SH3RF3: variants seen among roughly 807,000 people sequenced by gnomAD.
SH3RF3 encodes the protein SH3 domain containing ring finger 3.
In SH3RF3, 29 loss-of-function variants were observed where a neutral mutation model predicts 66.3. That is an observed-to-expected ratio of 0.44 (90% CI 0.33 to 0.60). The LOEUF is 0.60. Among genes scored for constraint, SH3RF3 ranks in the 20% least tolerant of loss-of-function variants. SH3RF3 has a pLI of 0.04. For missense variants in SH3RF3, 1,194 were observed against 1,190.9 expected (o/e 1.00, Z -0.04); for synonymous variants, 583 against 532.0 (o/e 1.10, Z -1.32).
intron 1 of SH3RF3, among the ~76,000 whole-genome samples, chr2:109,293,453 C>T (rs1021085193): frequency 2.0e-5 from 3 of 152,158 alleles, no homozygotes; most frequent in Admixed American, 1.3e-4. Context: ...CAGTGGTGAC[C>T]GGGCTGCCTG....
intron 1 of SH3RF3, among the ~76,000 whole-genome samples, chr2:109,186,105 A>G (rs1387571316): frequency 6.6e-6 from 1 of 152,230 alleles, no homozygotes; most frequent in African/African-American, 2.4e-5. Context: ...TAACTTCAGG[A>G]GAGGGCAGGC....
rs1366337968 is a variant in SH3RF3, at chr2:109,252,345, A to G, written c.574-95329A>G. Reference sequence around the variant, plus strand: ...ACATTGTTCAACAGAAGCCGGGTTTATTTTTAGAGGAATAGTTGGATGCAA... The same window carrying G: ...ACATTGTTCAACAGAAGCCGGGTTTGTTTTTAGAGGAATAGTTGGATGCAA... On this transcript the variant is annotated intron_variant, in intron 1 of 9. Transcript: ENST00000309415. 3.9e-5 allele frequency among the ~76,000 whole-genome samples: 6 copies of G among 152,202 alleles called. No homozygotes were observed. In the South Asian group the frequency reaches 1.2e-3, roughly 32 times the overall value.
intron 8 of SH3RF3, among the ~76,000 whole-genome samples, chr2:109,484,268 T>C (rs1051549419): frequency 6.6e-6 from 1 of 152,104 alleles, no homozygotes; most frequent in African/African-American, 2.4e-5. Context: ...GGTTTCACCA[T>C]GTTGGCCAGG....
intron 4 of SH3RF3, among the ~76,000 whole-genome samples, chr2:109,402,945 G>T (rs1676353657): frequency 6.6e-6 from 1 of 152,180 alleles, no homozygotes; most frequent in African/African-American, 2.4e-5. Flanking sequence ...GAGATGGGCT[G>T]CTTGCTGGGC....
At chr2:109,248,797 GTC>G (rs888495504) in intron 1 of SH3RF3, among the ~76,000 whole-genome samples, 1 of 142,128 alleles carries the variant, frequency 7.0e-6, no homozygotes, top group Admixed American at 7.2e-5. Context: ...TTCTCTTTCT[GTC>G]TCTCTTTCTC....
intron 2 of SH3RF3, among the ~76,000 whole-genome samples, chr2:109,365,005 C>A (rs770941599): frequency 6.6e-6 from 1 of 152,070 alleles, no homozygotes; most frequent in East Asian, 1.9e-4. Context: ...GCAGAAGGAT[C>A]GTGAGACTCT....
At chr2:109,501,349 T>G (rs1414880096) in intron 9 of SH3RF3, among the ~76,000 whole-genome samples, 154 bp from the exon 10 acceptor site, 1 of 152,038 alleles carries the variant, frequency 6.6e-6, no homozygotes, top group African/African-American at 2.4e-5. Context: ...TTTCCAGAGT[T>G]TTGAAAAAAT....
chr2:109,403,008 G>C (rs963341194), intron 4 of SH3RF3, among the ~76,000 whole-genome samples: 1 of 152,214 alleles, frequency 6.6e-6, no homozygotes, highest in Non-Finnish European at 1.5e-5. Context: ...GGGTGGGTGG[G>C]GGGATGTGGA....
rs540829177 is a variant in SH3RF3 at position 109,461,729 on chromosome 2, G to A, written c.2148+12240G>A. 5.3e-5 allele frequency among the ~76,000 whole-genome samples: 8 copies of A among 152,312 alleles called. No individual in the cohort carries two copies. The South Asian group carries it at 1.2e-3, about 24-fold the overall frequency. On this transcript the variant is annotated intron_variant, in intron 8 of 9. Transcript: ENST00000309415. Reference sequence around the variant, plus strand: ...CGTAGCATCCCTGTCTGCCACAATAGTGCCTCAGGCACCACTGGATCTCCT... The same window carrying A: ...CGTAGCATCCCTGTCTGCCACAATAATGCCTCAGGCACCACTGGATCTCCT...
intron 1 of SH3RF3, among the ~76,000 whole-genome samples, chr2:109,157,180 G>A (rs1677366806): frequency 6.6e-6 from 1 of 152,110 alleles, no homozygotes; most frequent in South Asian, 2.1e-4. Flanking sequence ...TATCAGAGGG[G>A]ATCATAGTAT....
chr2:109,209,127 A>G (rs529685508), intron 1 of SH3RF3, among the ~76,000 whole-genome samples: 1 of 152,342 alleles, frequency 6.6e-6, no homozygotes, highest in Admixed American at 6.5e-5. Context: ...TACTGTTGCC[A>G]CTGGGAAGTG....
chr2:109,427,898 C>G (rs1261353892), intron 5 of SH3RF3, among the ~76,000 whole-genome samples: 1 of 152,384 alleles, frequency 6.6e-6, no homozygotes, highest in East Asian at 1.9e-4. Flanking sequence ...TGAGGCCATA[C>G]CTGCAGCTCC....
intron 1 of SH3RF3, among the ~76,000 whole-genome samples, chr2:109,282,556 A>T (rs2105345831): frequency 6.6e-6 from 1 of 152,228 alleles, no homozygotes; most frequent in African/African-American, 2.4e-5. Context: ...GCCTCAGCTG[A>T]CTGCAGGGCC....
At position 109,347,951 on chromosome 2, in the gene SH3RF3, TA is replaced by T; in HGVS notation, c.849+4del. 1 of 1,596,078 alleles carries T rather than the reference TA, an allele frequency of 6.3e-7. No homozygotes were observed. Among genetic ancestry groups the T allele is most frequent in the Admixed American group, 1.7e-5 (1 of 57,522 alleles). On this transcript the variant is annotated splice_donor_region_variant and intron_variant, in intron 2 of 9. Transcript: ENST00000309415. ...AAGGACTGTCTGACCTTCACCAAGGTAAGGTGAGCCCCGGGGTGGGCCCCGC... is the reference window on the plus strand; with the variant it reads ...AAGGACTGTCTGACCTTCACCAAGGTAGGTGAGCCCCGGGGTGGGCCCCGC...
intron 1 of SH3RF3, among the ~76,000 whole-genome samples, chr2:109,172,371 G>A (rs1054810649): frequency 2.0e-5 from 3 of 152,226 alleles, no homozygotes; most frequent in Non-Finnish European, 4.4e-5. Context: ...CATGCACGGA[G>A]CTCAGCCGTC....
chr2:109,276,639 C>T (rs375571456), intron 1 of SH3RF3, among the ~76,000 whole-genome samples: 5 of 152,164 alleles, frequency 3.3e-5, no homozygotes, highest in African/African-American at 7.2e-5. Flanking sequence ...TGGGCTAAGG[C>T]GCTGGACAAA....
At chr2:109,224,597 C>G (rs980627397) in intron 1 of SH3RF3, among the ~76,000 whole-genome samples, 1 of 152,210 alleles carries the variant, frequency 6.6e-6, no homozygotes, top group Admixed American at 6.5e-5. Context: ...GTGGCTCACA[C>G]CTGTAATCCC....
At chr2:109,394,152 A>G (rs964036343) in intron 3 of SH3RF3, among the ~76,000 whole-genome samples, 2 of 152,246 alleles carry the variant, frequency 1.3e-5, no homozygotes, top group South Asian at 4.1e-4. Flanking sequence ...GAAACTCTTC[A>G]GTTTTTCTTA....
chr2:109,144,694 C>G (rs1024176242), intron 1 of SH3RF3, among the ~76,000 whole-genome samples: 5 of 152,220 alleles, frequency 3.3e-5, no homozygotes, highest in African/African-American at 1.2e-4. Flanking sequence ...TGCACTGGGT[C>G]CAGGTTGGGC....
Sources: allele counts gnomAD v4.1 joint callset (sites outside exome capture counted in the v4.1 genomes callset), GRCh38; gene constraint gnomAD v4.1.1; transcripts MANE v1.5; gene names NCBI Gene and HGNC (gene_info 2026-07-23, HGNC 2026-07-21).